Variants in VIPR2 observed in about 807,000 individuals in gnomAD.
VIPR2 encodes the protein vasoactive intestinal polypeptide receptor 2.
VIPR2 carries 48 observed loss-of-function variants against 58.0 expected under a neutral mutation model. The ratio of observed to expected loss-of-function variants is 0.83; its 90% CI spans 0.66 to 1.05. VIPR2 has a LOEUF of 1.05. Among genes scored for constraint, VIPR2 ranks in the 50% least tolerant of loss-of-function variants. The pLI is 0.00. For synonymous variants in VIPR2, 243 were observed against 235.2 expected (o/e 1.03, Z -0.30); for missense variants, 534 against 558.0 (o/e 0.96, Z 0.43).
chr7:159,103,723 A>G, intron 4 of VIPR2, 34 bp downstream of exon 4: 1 of 1,550,712 alleles, frequency 6.4e-7, no homozygotes, highest in Middle Eastern at 1.7e-4. Context: ...TAGGAAGTGG[A>G]ACCTCACCAC....
intron 6 of VIPR2, 143 bp from the exon 7 acceptor site, chr7:159,037,045 T>C: frequency 9.9e-7 from 1 of 1,011,990 alleles, no homozygotes. Context: ...GGAAAGTGAT[T>C]AACACAGAGG....
At chr7:159,063,137 G>A (rs896101515) in intron 4 of VIPR2, among the ~76,000 whole-genome samples, 1 of 152,326 alleles carries the variant, frequency 6.6e-6, no homozygotes, top group South Asian at 2.1e-4. Flanking sequence ...TTTGCGCTGC[G>A]TGCCCGCAGC....
At chr7:159,033,138 C>T (rs73522234) in intron 10 of VIPR2, among the ~76,000 whole-genome samples, 1,637 of 152,308 alleles carry the variant, frequency 0.011, 20 homozygotes, top group African/African-American at 0.037. Flanking sequence ...ACCTTAGTGA[C>T]ATTATTACTT....
intron 2 of VIPR2, among the ~76,000 whole-genome samples, chr7:159,123,288 T>TAAAAAAAAA (rs370294230): frequency 9.6e-5 from 7 of 72,882 alleles, no homozygotes; most frequent in South Asian, 8.5e-4. Flanking sequence ...CAAGACTCTG[T>TAAAAAAAAA]AAAAAAAAAA....
At chr7:159,067,562 G>A (rs1377604425) in intron 4 of VIPR2, among the ~76,000 whole-genome samples, 1 of 152,192 alleles carries the variant, frequency 6.6e-6, no homozygotes, top group Non-Finnish European at 1.5e-5. Context: ...CTCAATGTGG[G>A]TATATTAAAT....
chr7:159,099,905 G>A lies in VIPR2; in HGVS notation c.357+3852C>T, dbSNP rs1286373108. 6.6e-6 allele frequency among the ~76,000 whole-genome samples: 1 copy of A among 152,136 alleles called. No individual in the cohort carries two copies. Among genetic ancestry groups the A allele is most frequent in the African/African-American group, 2.4e-5 (1 of 41,430 alleles). On this transcript the variant is annotated intron_variant, in intron 4 of 12. Transcript: ENST00000262178. This position sits in a 1 kb window ranked among gnomAD's most constrained non-coding sequence, Gnocchi z 4.2. ...GCCATGGTGTGTGATGACAGAGGCC[G>A]CAATGTTCCCCCTCTCCCTGGCTGA... is the stretch of plus-strand genomic sequence containing the variant.
At chr7:159,141,563 A>G (rs1346150088) in intron 2 of VIPR2, among the ~76,000 whole-genome samples, 1 of 152,272 alleles carries the variant, frequency 6.6e-6, no homozygotes, top group Non-Finnish European at 1.5e-5. Flanking sequence ...TTAGCATCAA[A>G]TAAGAATGCA....
At chr7:159,132,963 ATGAT>A (rs1797028596) in intron 2 of VIPR2, among the ~76,000 whole-genome samples, 1 of 148,630 alleles carries the variant, frequency 6.7e-6, no homozygotes, top group Admixed American at 6.8e-5. Context: ...TTCAGACAGA[ATGAT>A]TGGCATACCG....
chr7:159,050,129 G>C (rs1346309563), intron 5 of VIPR2, among the ~76,000 whole-genome samples: 1 of 152,082 alleles, frequency 6.6e-6, no homozygotes, highest in Non-Finnish European at 1.5e-5. Flanking sequence ...TTGAGATCAG[G>C]AGCTTGAGAC....
chr7:159,068,016 C>T (rs992263404), intron 4 of VIPR2, among the ~76,000 whole-genome samples: 1 of 152,262 alleles, frequency 6.6e-6, no homozygotes, highest in African/African-American at 2.4e-5. Flanking sequence ...CTCCTGCATG[C>T]TAACCGCTGG....
At chr7:159,135,709 G>C (rs1797189853) in intron 2 of VIPR2, among the ~76,000 whole-genome samples, 2 of 152,108 alleles carry the variant, frequency 1.3e-5, no homozygotes, top group South Asian at 4.1e-4. Context: ...TGTAATCCCA[G>C]CTACTCAGGA....
chr7:159,040,419 G>A lies in VIPR2; in HGVS notation c.597+2616C>T, dbSNP rs186802136. ...GCAGGACTCAGCTTAGTAAGCTTGG[G>A]GGTGTGCTTCTGGGAGTCCCACAGA... On this transcript the variant is annotated intron_variant, in intron 6 of 12. Transcript: ENST00000262178. Among the ~76,000 whole-genome samples, 254 of 152,388 alleles carry A rather than the reference G, an allele frequency of 1.7e-3. 3 individuals are homozygous for A. Among genetic ancestry groups the A allele is most frequent in the Middle Eastern group, 0.01 (3 of 294 alleles).
At chr7:159,077,118 A>C (rs1009408890) in intron 4 of VIPR2, among the ~76,000 whole-genome samples, 1 of 152,260 alleles carries the variant, frequency 6.6e-6, no homozygotes, top group Non-Finnish European at 1.5e-5. Flanking sequence ...TACATAAATG[A>C]TCAGTCCAAG....
chr7:159,035,210 A>G (rs188652317), intron 8 of VIPR2, among the ~76,000 whole-genome samples: 195 of 152,246 alleles, frequency 1.3e-3, no homozygotes, highest in African/African-American at 4.6e-3. Context: ...CATAAAGCAG[A>G]ATCTCCATTG....
chr7:159,042,371 A>G (rs932385534), intron 6 of VIPR2, among the ~76,000 whole-genome samples: 2 of 152,170 alleles, frequency 1.3e-5, no homozygotes, highest in African/African-American at 4.8e-5. Context: ...GCCTGCATGT[A>G]GGAGGTGCTC....
At chr7:159,138,065 G>A (rs1200080996) in intron 2 of VIPR2, among the ~76,000 whole-genome samples, 1 of 152,202 alleles carries the variant, frequency 6.6e-6, no homozygotes. Context: ...TTGAATATCT[G>A]CTGAGGACCA....
chr7:159,029,774 C>G lies in VIPR2; in HGVS notation c.*842G>C, dbSNP rs1244819090. The G allele has an allele frequency of 6.6e-6, 1 of 152,386 alleles. No individual in the cohort carries two copies. Among genetic ancestry groups the G allele is most frequent in the Non-Finnish European group, 1.5e-5 (1 of 68,196 alleles). 9.4% of individuals were successfully genotyped at this position (152,386 alleles called of 1,614,324 possible). A position where few individuals can be genotyped will look rare whatever the true frequency, so the allele number is the denominator to read the frequency against. Reference sequence around the variant, plus strand: ...TGATCTGGTTGTCTCCTCAGCCCGCCTTCCGTGGGGAGGCAAAACAGCCCT... The same window carrying G: ...TGATCTGGTTGTCTCCTCAGCCCGCGTTCCGTGGGGAGGCAAAACAGCCCT... On this transcript the variant is annotated 3_prime_UTR_variant, in exon 13 of 13. Transcript: ENST00000262178.
Position 159,099,872 on chromosome 7 carries a change from C to T in VIPR2, c.357+3885G>A, listed in dbSNP as rs1049077979. ...CTGCTGTGATCTCACACACCAGAGC[C>T]GCTGTCAGCCATGGTGTGTGATGAC... On this transcript the variant is annotated intron_variant, in intron 4 of 12. Coordinates refer to ENST00000262178, the MANE Select transcript of VIPR2 (RefSeq NM_003382.5). The surrounding 1 kb of genome is among the most constrained non-coding windows in gnomAD (Gnocchi z 4.2). 6.6e-6 allele frequency among the ~76,000 whole-genome samples: 1 copy of T among 152,104 alleles called. No homozygotes were observed. The highest frequency in any genetic ancestry group is 6.5e-5 in the Admixed American group (1 of 15,280).
At chr7:159,042,144 A>G (rs1192482167) in intron 6 of VIPR2, among the ~76,000 whole-genome samples, 1 of 152,202 alleles carries the variant, frequency 6.6e-6, no homozygotes, top group Non-Finnish European at 1.5e-5. Flanking sequence ...TCTTAAAACT[A>G]AGTTAATTCA....
Sources: gnomAD v4.1 joint callset for allele counts (sites outside exome capture counted in the v4.1 genomes callset) on GRCh38, gnomAD v4.1.1 for gene constraint, Gnocchi (gnomAD v3.1) non-coding constraint, MANE v1.5 for transcripts, NCBI Gene and HGNC (gene_info 2026-07-23, HGNC 2026-07-21) for gene names.